Variants in DERA observed in about 807,000 individuals in gnomAD.
DERA encodes the protein deoxyribose-phosphate aldolase, also known as 2-deoxy-D-ribose 5-phosphate aldolase.
In DERA, 15 loss-of-function variants were observed where a neutral mutation model predicts 41.1. The observed-to-expected ratio is 0.37, with a 90% confidence interval of 0.24 to 0.56. The LOEUF (loss-of-function observed/expected upper bound fraction) is 0.56. DERA is among the 20% of genes least tolerant of loss of function. The probability of loss-of-function intolerance (pLI) is 0.81; values close to 1 mark genes in which losing one functional copy is unlikely to be tolerated. For synonymous variants in DERA, 139 were observed against 137.4 expected (o/e 1.01, Z -0.08); for missense variants, 396 against 403.4 (o/e 0.98, Z 0.16).
In DERA at chr12:15,956,959, C is replaced by G. The variant is rs750926445; in HGVS notation, c.55C>G (p.Gln19Glu). 3.7e-6 allele frequency: 6 copies of G among 1,613,894 alleles called. No individual in the cohort carries two copies. The highest frequency in any genetic ancestry group is 3.3e-4 in the Middle Eastern group (2 of 6,060). Residue 19 changes from glutamine to glutamate, a missense_variant, in exon 2 of 9, where the codon CAA becomes GAA. Transcript: ENST00000428559. Reference protein sequence around the residue: ...ELDLSWISKIQVNHPAVLRRA... With the variant: ...ELDLSWISKIEVNHPAVLRRA... ...AGACCTTAGCTGGATCTCCAAAATA[C>G]AAGTGAATCACCCGGCAGTTCTGAG... is the stretch of plus-strand genomic sequence containing the variant.
chr12:15,961,393 G>C lies in DERA; in HGVS notation c.374-1420G>C, dbSNP rs184453376. Among the ~76,000 whole-genome samples the C allele has an allele frequency of 2.6e-3, 399 of 152,258 alleles. 4 individuals carry two copies. The highest frequency in any genetic ancestry group is 9.1e-3 in the African/African-American group (380 of 41,542). On this transcript the variant is annotated intron_variant, in intron 4 of 8. Transcript: ENST00000428559. ...CCTGATGCTTTAAAAAGGGAGTCTA[G>C]GCCAGGCATGGTGGCTCACATCTGT... is the stretch of plus-strand genomic sequence containing the variant.
chr12:15,930,381 A>T (rs1948318548), intron 1 of DERA, among the ~76,000 whole-genome samples: 1 of 152,152 alleles, frequency 6.6e-6, no homozygotes, highest in Admixed American at 6.5e-5. Context: ...GTAGTTATCA[A>T]TTGTTTTTTC....
rs935255938 is a variant in DERA at position 15,918,848 on chromosome 12, G to A, written c.31+7434G>A. 6.6e-6 allele frequency among the ~76,000 whole-genome samples: 1 copy of A among 152,134 alleles called. No individual in the cohort carries two copies. The highest frequency in any genetic ancestry group is 2.1e-4 in the South Asian group (1 of 4,832). On this transcript the variant is annotated intron_variant, in intron 1 of 8. Coordinates refer to ENST00000428559, the MANE Select transcript of DERA (RefSeq NM_015954.4). The surrounding 1 kb of genome is among the most constrained non-coding windows in gnomAD (Gnocchi z 4.3). ...TTTTTTTGGAGAGGATGTTTCTGAC[G>A]GAGTAGTTTCTACAAAGGGACTAGC...
At chr12:15,914,862 G>A (rs1357651079) in intron 1 of DERA, among the ~76,000 whole-genome samples, 1 of 152,072 alleles carries the variant, frequency 6.6e-6, no homozygotes, top group East Asian at 1.9e-4. Flanking sequence ...TGCAACCTCC[G>A]TCTCCCAGGT....
At position 15,918,521 on chromosome 12, in the gene DERA, G is replaced by A. The variant is rs1161889479; in HGVS notation, c.31+7107G>A. Among the ~76,000 whole-genome samples, 2 of 152,124 alleles carry A rather than the reference G, an allele frequency of 1.3e-5. No individual in the cohort carries two copies. The highest frequency in any genetic ancestry group is 2.9e-5 in the Non-Finnish European group (2 of 68,026). On this transcript the variant is annotated intron_variant, in intron 1 of 8. Coordinates refer to ENST00000428559, the MANE Select transcript of DERA (RefSeq NM_015954.4). The surrounding 1 kb of genome is among the most constrained non-coding windows in gnomAD (Gnocchi z 4.3). ...CCCACCCCAACGGTTTAGGACAATC[G>A]TTTGGGAAGGGGAAGGGGGCCAGAA...
intron 6 of DERA, among the ~76,000 whole-genome samples, chr12:16,025,678 C>T (rs561560757): frequency 6.6e-6 from 1 of 152,182 alleles, no homozygotes; most frequent in South Asian, 2.1e-4. Context: ...ATATAGTTGA[C>T]CTGAACAGCA....
At position 15,970,044 on chromosome 12, in the gene DERA, T is replaced by G. The variant is rs927188508; in HGVS notation, c.508+7097T>G. 1.3e-5 allele frequency among the ~76,000 whole-genome samples: 2 copies of G among 152,212 alleles called. No homozygotes were observed. Among genetic ancestry groups the G allele is most frequent in the Admixed American group, 1.3e-4 (2 of 15,286 alleles). On this transcript the variant is annotated intron_variant, in intron 5 of 8. Transcript: ENST00000428559. The surrounding 1 kb of genome is among the most constrained non-coding windows in gnomAD (Gnocchi z 4.3). ...TTATCTCTTGTAGGTTATTATAATA[T>G]CTGGTGTGTTAGCTCATCTCTGCCT...
chr12:15,918,640 TG>T lies in DERA; in HGVS notation c.31+7227del, dbSNP rs1948218658. ...CCTGCTGTTCCTGGCACTTGTTACT[TG>T]CTGCTCATGGTCATGGCAGGGATGC... On this transcript the variant is annotated intron_variant, in intron 1 of 8. Transcript: ENST00000428559. This position sits in a 1 kb window ranked among gnomAD's most constrained non-coding sequence, Gnocchi z 4.3. 6.6e-6 allele frequency among the ~76,000 whole-genome samples: 1 copy of T among 152,240 alleles called. No homozygotes were observed. Among genetic ancestry groups the T allele is most frequent in the Non-Finnish European group, 1.5e-5 (1 of 68,050 alleles).
At chr12:15,919,036 A>T (rs1948222318) in intron 1 of DERA, among the ~76,000 whole-genome samples, 1 of 152,192 alleles carries the variant, frequency 6.6e-6, no homozygotes, top group African/African-American at 2.4e-5. Context: ...GTCAATAATT[A>T]TGTACATTTT....
intron 6 of DERA, among the ~76,000 whole-genome samples, chr12:16,018,321 T>C (rs1948997426): frequency 6.6e-6 from 1 of 152,186 alleles, no homozygotes; most frequent in South Asian, 2.1e-4. Context: ...GGTTCGCAAA[T>C]GAATAGAGCT....
intron 1 of DERA, among the ~76,000 whole-genome samples, chr12:15,929,843 G>T (rs982695858): frequency 6.6e-6 from 1 of 152,068 alleles, no homozygotes; most frequent in Non-Finnish European, 1.5e-5. Flanking sequence ...AGAGAATTTG[G>T]TTATAGAGTT....
chr12:16,030,490 C>T (rs936703048), intron 6 of DERA, among the ~76,000 whole-genome samples: 1 of 152,098 alleles, frequency 6.6e-6, no homozygotes, highest in Non-Finnish European at 1.5e-5. Context: ...ATAGTCTGTT[C>T]ATCTATGCAT....
chr12:16,007,732 T>A (rs1359897484), intron 6 of DERA, among the ~76,000 whole-genome samples: 1 of 152,222 alleles, frequency 6.6e-6, no homozygotes, highest in Non-Finnish European at 1.5e-5. Context: ...AGGCCCAGTG[T>A]CTTCTTCAGT....
At chr12:15,946,711 G>T (rs1010180150) in intron 1 of DERA, among the ~76,000 whole-genome samples, 1 of 152,008 alleles carries the variant, frequency 6.6e-6, no homozygotes, top group Non-Finnish European at 1.5e-5. Flanking sequence ...AGGGTTTTTT[G>T]TGTCTCTATC....
chr12:15,987,245 T>C (rs547449302), intron 6 of DERA, among the ~76,000 whole-genome samples: 406 of 144,782 alleles, frequency 2.8e-3, no homozygotes, highest in Non-Finnish European at 4.7e-3. Context: ...TTTTTTTTTT[T>C]TTTTTTTTTG....
At chr12:15,979,712 A>G (rs1340869178) in intron 5 of DERA, among the ~76,000 whole-genome samples, 1 of 152,214 alleles carries the variant, frequency 6.6e-6, no homozygotes, top group Non-Finnish European at 1.5e-5. Context: ...TTGGTTGCAT[A>G]TTTGTAAATC....
In DERA at chr12:16,036,301, G is replaced by A; in HGVS notation, c.820G>A (p.Glu274Lys). 6.2e-7 allele frequency: 1 copy of A among 1,613,740 alleles called. No homozygotes were observed. Among genetic ancestry groups the A allele is most frequent in the East Asian group, 2.2e-5 (1 of 44,858 alleles). ...DSLAWLSLVK[E>K]ELGDEWLKPE... ...CCTTGCTTGGCTCTCTCTTGTAAAG[G>A]AGGAGCTTGGAGATGAGTGGCTGAA... The change falls in exon 8 of 9, where the codon GAG becomes AAG. Residue 274 changes from glutamate to lysine, a missense_variant. By Grantham distance (56) the Glu-to-Lys change is moderately conservative. Transcript: ENST00000428559. This position sits in a 1 kb window ranked among gnomAD's most constrained non-coding sequence, Gnocchi z 4.9.
At chr12:15,929,534 A>G (rs1010256292) in intron 1 of DERA, among the ~76,000 whole-genome samples, 2 of 152,146 alleles carry the variant, frequency 1.3e-5, no homozygotes, top group African/African-American at 4.8e-5. Flanking sequence ...ATTTTAGCAC[A>G]TGTTAGATGC....
rs7968170 is a variant in DERA at position 15,996,401 on chromosome 12, T to C, written c.637+13965T>C. On this transcript the variant is annotated intron_variant, in intron 6 of 8. Transcript: ENST00000428559. This position sits in a 1 kb window ranked among gnomAD's most constrained non-coding sequence, Gnocchi z 4.7. ...AGGCTTATGCTCCCTCTGAAACCTG[T>C]AGGCAAGCCCTTCTTGCTTATTCTG... 0.44 allele frequency among the ~76,000 whole-genome samples: 66,807 copies of C among 151,862 alleles called. 15,911 individuals carry two copies. Among genetic ancestry groups the C allele is most frequent in the Non-Finnish European group, 0.53 (36,045 of 67,914 alleles).
Sources: gnomAD v4.1 joint callset for allele counts (sites outside exome capture counted in the v4.1 genomes callset) on GRCh38, gnomAD v4.1.1 for gene constraint, Gnocchi (gnomAD v3.1) non-coding constraint, MANE v1.5 for transcripts, NCBI Gene and HGNC (gene_info 2026-07-23, HGNC 2026-07-21) for gene names.